Variants in SIGLEC11 observed in about 807,000 individuals in gnomAD.
SIGLEC11 encodes the protein sialic acid-binding Ig-like lectin 11.
Under a neutral mutation model 61.2 loss-of-function variants are expected in SIGLEC11, and 47 were observed. That is an observed-to-expected ratio of 0.77 (90% CI 0.61 to 0.98). The LOEUF is 0.98. Ranked by LOEUF, SIGLEC11 falls within the 50% of genes least tolerant of loss-of-function variation. The pLI is 0.00. For synonymous variants in SIGLEC11, 278 were observed against 373.1 expected, an observed-to-expected ratio of 0.75 and a Z score of 2.94; for missense variants, 610 against 870.3, an observed-to-expected ratio of 0.70 and a Z score of 3.76.
rs1233747234 is a variant in SIGLEC11 at position 49,952,449 on chromosome 19, C to T, written c.1652-55G>A. On this transcript the variant is annotated intron_variant, in intron 8 of 10. Coordinates refer to ENST00000447370, the MANE Select transcript of SIGLEC11 (RefSeq NM_052884.3). The stretch of plus-strand genomic sequence containing the variant: ...CCTCCTGGCCCTGAGACCCTCCTGC[C>T]CCTTCCTCCCACAGACCTAGAGCTC... The T allele has an allele frequency of 2.4e-5, 32 of 1,357,040 alleles. 1 individual carries two copies. In the Middle Eastern group the frequency reaches 5.7e-4, roughly 24 times the overall value. The allele number at this position is 1,357,040 out of a possible 1,614,324, so 84.1% of individuals were successfully genotyped here.
In SIGLEC11 at chr19:49,959,341, C is replaced by T; in HGVS notation, c.1057+19G>A. On this transcript the variant is annotated intron_variant, in intron 5 of 10. Transcript: ENST00000447370. ...TCTGCCCTCCCAATGGACTCCAGGC[C>T]CCTGCTAGGCACACTCACACTGCAC... 1 of 1,602,208 alleles carries T rather than the reference C, an allele frequency of 6.2e-7. No homozygotes were observed. Among genetic ancestry groups the T allele is most frequent in the Non-Finnish European group, 8.5e-7 (1 of 1,179,520 alleles).
At chr19:49,952,665 C>T (rs1413414489) in intron 8 of SIGLEC11, among the ~76,000 whole-genome samples, 1 of 152,230 alleles carries the variant, frequency 6.6e-6, no homozygotes. Context: ...AGGCTCCAGA[C>T]ACACCCCCTT....
Position 49,952,306 on chromosome 19 carries a change from G to T in SIGLEC11, c.1740C>A (p.Val580=). 1 of 1,612,642 alleles carries T rather than the reference G, an allele frequency of 6.2e-7. No individual in the cohort carries two copies. The highest frequency in any genetic ancestry group is 8.5e-7 in the Non-Finnish European group (1 of 1,179,926). The change falls in exon 9 of 11, where the codon GTC becomes GTA. Residue 580 remains valine (V), a synonymous_variant. Transcript: ENST00000447370. ...TGCCCTCCGATGCTTACCTGAAGAC[G>T]ACAAGGCAGGAACAGAAAGCGAGCA... ...AALLAFCSCL[V]VFRVKICRKE...
Position 49,951,780 on chromosome 19 carries a change from CA to C in SIGLEC11, c.1830+110del. On this transcript the variant is annotated intron_variant, in intron 10 of 10. Transcript: ENST00000447370. The surrounding 1 kb of genome is among the most constrained non-coding windows in gnomAD (Gnocchi z 4.6). Reference sequence around the variant, plus strand: ...GACTGCATTGATGGGGACCCAGGAGCAAAACCCTATTTGGGGCACAATGATT... The same window carrying C: ...GACTGCATTGATGGGGACCCAGGAGCAAACCCTATTTGGGGCACAATGATT... 2.1e-6 allele frequency: 2 copies of C among 962,826 alleles called. No homozygotes were observed. The highest frequency in any genetic ancestry group is 1.9e-5 in the South Asian group (1 of 53,850). 59.6% of individuals were successfully genotyped at this position (962,826 alleles called of 1,614,324 possible). A position where few individuals can be genotyped will look rare whatever the true frequency, so the allele number is the denominator to read the frequency against.
In SIGLEC11 at chr19:49,951,178, C is replaced by T. The variant is rs1458293285; in HGVS notation, c.1830+713G>A. ...AGTCCCCCATGCCTGCGTGACCCAC[C>T]CCCAGTGAACCCTGGACCCAGGTTT... On this transcript the variant is annotated intron_variant, in intron 10 of 10. Coordinates refer to ENST00000447370, the MANE Select transcript of SIGLEC11 (RefSeq NM_052884.3). The surrounding 1 kb of genome is among the most constrained non-coding windows in gnomAD (Gnocchi z 4.6). Among the ~76,000 whole-genome samples the T allele has an allele frequency of 6.6e-6, 1 of 152,180 alleles. No individual in the cohort carries two copies. The highest frequency in any genetic ancestry group is 2.4e-5 in the African/African-American group (1 of 41,444).
In SIGLEC11 at chr19:49,958,549, G is replaced by T. The variant is rs1282751924; in HGVS notation, c.1385C>A (p.Pro462His). Reference sequence around the variant, plus strand: ...ACCCTCAGCCTCCCAGGAGCAGGAGGGGCCCAGCAGCTGTGGAGGGTCTGT... The same window carrying T: ...ACCCTCAGCCTCCCAGGAGCAGGAGTGGCCCAGCAGCTGTGGAGGGTCTGT... Reference protein sequence around the residue: ...SVHYPPQLLGPSCSWEAEGLH... With the variant: ...SVHYPPQLLGHSCSWEAEGLH... Residue 462 changes from proline (P) to histidine (H), a missense_variant, in exon 8 of 11, where the codon CCC (proline) becomes CAC (histidine). Coordinates refer to ENST00000447370, the MANE Select transcript of SIGLEC11 (RefSeq NM_052884.3). 3 of 1,581,790 alleles carry T rather than the reference G, an allele frequency of 1.9e-6. No individual in the cohort carries two copies. The highest frequency in any genetic ancestry group is 1.7e-6 in the Non-Finnish European group (2 of 1,164,806).
chr19:49,950,143 G>T lies in SIGLEC11; in HGVS notation c.1924C>A (p.Leu642Ile). 3 of 1,612,358 alleles carry T rather than the reference G, an allele frequency of 1.9e-6. No homozygotes were observed. The highest frequency in any genetic ancestry group is 1.7e-4 in the Middle Eastern group (1 of 6,054). The change falls in exon 11 of 11, where the codon CTC (leucine) becomes ATC (isoleucine). Residue 642 changes from leucine to isoleucine, a missense_variant. By Grantham distance (5) the Leu-to-Ile change is conservative. This residue lies in a region of SIGLEC11 where 432 missense variants were observed against 441.5 expected (regional missense o/e 0.98). Coordinates refer to ENST00000447370, the MANE Select transcript of SIGLEC11 (RefSeq NM_052884.3). ...TGGAAGCTGAGGGAGGCATAGTGGA[G>T]CTCCTGCTCTTCCCCCTTCCCCGGG... ...YTPGKGEEQE[L>I]HYASLSFQGL... is the part of the protein sequence containing the mutation.
chr19:49,951,382 C>T lies in SIGLEC11; in HGVS notation c.1830+509G>A, dbSNP rs1309280256. On this transcript the variant is annotated intron_variant, in intron 10 of 10. Transcript: ENST00000447370. This position sits in a 1 kb window ranked among gnomAD's most constrained non-coding sequence, Gnocchi z 4.6. ...TCCTGTCCATGATTTTCATCTGTAT[C>T]GGTCACTATAAACCATCACCACGAG... is the stretch of plus-strand genomic sequence containing the variant. 1.3e-5 allele frequency among the ~76,000 whole-genome samples: 2 copies of T among 152,202 alleles called. No individual in the cohort carries two copies. The highest frequency in any genetic ancestry group is 1.9e-4 in the East Asian group (1 of 5,194).
At position 49,960,436 on chromosome 19, in the gene SIGLEC11, G is replaced by T. The variant is rs780807315; in HGVS notation, c.461-15C>A. On this transcript the variant is annotated splice_polypyrimidine_tract_variant and intron_variant, in intron 2 of 10. Coordinates refer to ENST00000447370, the MANE Select transcript of SIGLEC11 (RefSeq NM_052884.3). ...CTTAGTCAGGGCTGGGACAGAGACC[G>T]GGTGGGAGATTCTTGTGCTGCAGGG... The T allele has an allele frequency of 2.5e-6, 4 of 1,595,982 alleles. No homozygotes were observed. The highest frequency in any genetic ancestry group is 1.1e-5 in the South Asian group (1 of 90,480).
At chr19:49,957,388 AAAAAAAAAC>A (rs2076204076) in intron 8 of SIGLEC11, among the ~76,000 whole-genome samples, 2 of 150,328 alleles carry the variant, frequency 1.3e-5, no homozygotes, top group South Asian at 4.5e-4. Context: ...GCAAGGGTTA[AAAAAAAAAC>A]AAAAAAAACC....
intron 8 of SIGLEC11, among the ~76,000 whole-genome samples, chr19:49,958,082 C>T (rs2076210470): frequency 6.6e-6 from 1 of 152,186 alleles, no homozygotes. Flanking sequence ...TGGAACTTAC[C>T]TTAAATAAAC....
chr19:49,954,166 A>G (rs554281561), intron 8 of SIGLEC11, among the ~76,000 whole-genome samples: 2 of 152,164 alleles, frequency 1.3e-5, no homozygotes, highest in South Asian at 4.1e-4. Flanking sequence ...AGCCAAAAAT[A>G]AAAGTAAGAG....
In SIGLEC11 at chr19:49,958,758, T is replaced by C; in HGVS notation, c.1248A>G (p.Ser416=). 6.2e-7 allele frequency: 1 copy of C among 1,613,818 alleles called. No individual in the cohort carries two copies. The highest frequency in any genetic ancestry group is 2.2e-5 in the East Asian group (1 of 44,874). ...GTGGCAGCTCCAGGACCCCGGGGTCTGAGGGCTGGGAGGGGCCCACGGTCT... is the reference window on the plus strand; with the variant it reads ...GTGGCAGCTCCAGGACCCCGGGGTCCGAGGGCTGGGAGGGGCCCACGGTCT... ...WGQTVGPSQP[S]DPGVLELPPI... is the part of the protein sequence containing the mutation. Residue 416 remains serine (S), a synonymous_variant, in exon 7 of 11, where the codon TCA becomes TCG. Coordinates refer to ENST00000447370, the MANE Select transcript of SIGLEC11 (RefSeq NM_052884.3).
In SIGLEC11 at chr19:49,958,294, T is replaced by C. The variant is rs1218051695; in HGVS notation, c.1640A>G (p.Gln547Arg). The C allele has an allele frequency of 6.2e-7, 1 of 1,613,936 alleles. No homozygotes were observed. The highest frequency in any genetic ancestry group is 1.3e-5 in the African/African-American group (1 of 74,930). The change falls in exon 8 of 11, where the codon CAG becomes CGG. Residue 547 changes from glutamine to arginine, a missense_variant. By Grantham distance (43) the Gln-to-Arg change is conservative. Transcript: ENST00000447370. The stretch of plus-strand genomic sequence containing the variant: ...CACAGTCCCCTCACCTGGTAGCAGC[T>C]GGAAGACAGAGCCACTCTGGGCCCC... ...VHGAQSGSVF[Q>R]LLPGKLEHGG...
At chr19:49,956,473 A>G (rs1458681596) in intron 8 of SIGLEC11, among the ~76,000 whole-genome samples, 1 of 152,176 alleles carries the variant, frequency 6.6e-6, no homozygotes, top group Admixed American at 6.5e-5. Flanking sequence ...CCATGGGCAT[A>G]TCAACAGTTG....
chr19:49,951,926 G>C lies in SIGLEC11; in HGVS notation c.1795C>G (p.Gln599Glu). 6.2e-7 allele frequency: 1 copy of C among 1,610,692 alleles called. No homozygotes were observed. Among genetic ancestry groups the C allele is most frequent in the Non-Finnish European group, 8.5e-7 (1 of 1,178,774 alleles). Residue 599 changes from glutamine (Q) to glutamate (E), a missense_variant, in exon 10 of 11, where the codon CAG (glutamine) becomes GAG (glutamate). Coordinates refer to ENST00000447370, the MANE Select transcript of SIGLEC11 (RefSeq NM_052884.3). This position sits in a 1 kb window ranked among gnomAD's most constrained non-coding sequence, Gnocchi z 4.6. ...GGTCCCAGGGTGGAGGGCACGTCCT[G>C]CTCAGCTGCTGCCCTCTTGCGAGCT... The part of the protein sequence containing the change: ...KEARKRAAAE[Q>E]DVPSTLGPIS...
rs1404005114 is a variant in SIGLEC11 at position 49,959,479 on chromosome 19, C to A, written c.938G>T (p.Gly313Val). The change falls in exon 5 of 11, where the codon GGC (glycine) becomes GTC (valine). Residue 313 changes from glycine (G) to valine (V), a missense_variant. Gly to Val is a moderately radical substitution (Grantham distance 109, BLOSUM62 -3). Coordinates refer to ENST00000447370, the MANE Select transcript of SIGLEC11 (RefSeq NM_052884.3). The stretch of plus-strand genomic sequence containing the variant: ...CAGCTCCAGCCCCAGGGTTCTGGGG[C>A]CCCAGGGGTGGGACGAGGAGAGGAC... ...DRVLSSSHPWGPRTLGLELRG... is the reference protein window; with the variant it reads ...DRVLSSSHPWVPRTLGLELRG... 5.7e-6 allele frequency: 9 copies of A among 1,581,684 alleles called. No individual in the cohort carries two copies. Among genetic ancestry groups the A allele is most frequent in the Non-Finnish European group, 7.7e-6 (9 of 1,175,252 alleles).
Position 49,958,740 on chromosome 19 carries a change from C to T in SIGLEC11, c.1266G>A (p.Glu422=). The T allele has an allele frequency of 6.2e-7, 1 of 1,613,916 alleles. No individual in the cohort carries two copies. The highest frequency in any genetic ancestry group is 1.1e-5 in the South Asian group (1 of 91,054). The change falls in exon 7 of 11, where the codon GAG becomes GAA. Residue 422 remains glutamate, a synonymous_variant. Transcript: ENST00000447370. ...PSQPSDPGVL[E]LPPIQMEHEG... is the part of the protein sequence containing the mutation. The stretch of plus-strand genomic sequence containing the variant: ...CGTGCTCCATTTGAATGGGTGGCAG[C>T]TCCAGGACCCCGGGGTCTGAGGGCT...
chr19:49,952,316 G>C lies in SIGLEC11; in HGVS notation c.1730C>G (p.Ser577Cys). 6.2e-7 allele frequency: 1 copy of C among 1,612,584 alleles called. No homozygotes were observed. Among genetic ancestry groups the C allele is most frequent in the Non-Finnish European group, 8.5e-7 (1 of 1,179,972 alleles). ...AGVAALLAFC[S>C]CLVVFRVKIC... ...TGCTTACCTGAAGACGACAAGGCAGGAACAGAAAGCGAGCAGGGCAGCGAC... is the reference window on the plus strand; with the variant it reads ...TGCTTACCTGAAGACGACAAGGCAGCAACAGAAAGCGAGCAGGGCAGCGAC... Residue 577 changes from serine (S) to cysteine (C), a missense_variant, in exon 9 of 11, where the codon TCC becomes TGC. By Grantham distance (112) the Ser-to-Cys change is moderately radical (BLOSUM62 -1). Around this residue, in one of 6 missense-constraint regions of SIGLEC11, gnomAD observed 432 missense variants for 441.5 expected, o/e 0.98. Coordinates refer to ENST00000447370, the MANE Select transcript of SIGLEC11 (RefSeq NM_052884.3).
Sources: allele counts gnomAD v4.1 joint callset (sites outside exome capture counted in the v4.1 genomes callset), GRCh38; gene constraint gnomAD v4.1.1; regional missense constraint gnomAD v4.1.1; non-coding constraint Gnocchi (gnomAD v3.1); transcripts MANE v1.5; gene names NCBI Gene and HGNC (gene_info 2026-07-23, HGNC 2026-07-21).